The following COMMD1 variants were observed in gnomAD, a reference collection of about 807,000 sequenced individuals.
The protein encoded by COMMD1 is copper metabolism domain containing 1.
In COMMD1, 10 loss-of-function variants were observed where a neutral mutation model predicts 17.2. The observed-to-expected ratio is 0.58, with a 90% confidence interval of 0.36 to 0.99. The LOEUF is 0.99. COMMD1 is among the 50% of genes least tolerant of loss of function. The pLI, the probability that COMMD1 is intolerant of heterozygous loss-of-function variation, is 0.01. For synonymous variants in COMMD1, 97 were observed against 91.6 expected (o/e 1.06, Z -0.34); for missense variants, 270 against 231.8 (o/e 1.17, Z -1.07).
intron 2 of COMMD1, among the ~76,000 whole-genome samples, chr2:62,089,038 G>A (rs1671750373): frequency 6.6e-6 from 1 of 152,178 alleles, no homozygotes; most frequent in Non-Finnish European, 1.5e-5. Flanking sequence ...ATAAGGAAAT[G>A]TTCAGGTTAA....
chr2:62,130,176 A>C (rs998551809), intron 2 of COMMD1, among the ~76,000 whole-genome samples: 1 of 151,734 alleles, frequency 6.6e-6, no homozygotes, highest in African/African-American at 2.4e-5. Flanking sequence ...AAAACAAACA[A>C]AAAAACAAAC....
intron 2 of COMMD1, among the ~76,000 whole-genome samples, chr2:62,054,035 G>A (rs888740164): frequency 6.6e-5 from 10 of 152,082 alleles, no homozygotes; most frequent in Non-Finnish European, 1.0e-4. Context: ...TAAAAAGTGG[G>A]CAAAGGACAT....
At chr2:61,991,134 AAAT>A in intron 1 of COMMD1, among the ~76,000 whole-genome samples, 1 of 152,186 alleles carries the variant, frequency 6.6e-6, no homozygotes, top group Admixed American at 6.5e-5. Context: ...TTTTTCATTC[AAAT>A]TCTTTTTTTT....
intron 1 of COMMD1, among the ~76,000 whole-genome samples, chr2:61,932,107 A>G (rs1479187833): frequency 1.3e-5 from 2 of 152,122 alleles, no homozygotes; most frequent in African/African-American, 2.4e-5. Flanking sequence ...TGACACCCCT[A>G]CATTGGCCTC....
intron 2 of COMMD1, among the ~76,000 whole-genome samples, chr2:62,038,458 TTTC>T (rs1670100428): frequency 6.6e-6 from 1 of 152,206 alleles, no homozygotes; most frequent in Non-Finnish European, 1.5e-5. Context: ...AACGTATGGC[TTTC>T]TTTTTTCCAA....
chr2:61,888,666 C>G, upstream of COMMD1: 1 of 832,994 alleles, frequency 1.2e-6, no homozygotes, highest in Non-Finnish European at 1.8e-6. Context: ...GGGGGCCTTC[C>G]TTGCCGCGCG....
At chr2:61,956,526 C>T (rs1027765077) in intron 1 of COMMD1, among the ~76,000 whole-genome samples, 14 of 151,794 alleles carry the variant, frequency 9.2e-5, no homozygotes, top group African/African-American at 3.4e-4. Context: ...TTTCCTGCCT[C>T]AGCCTTGAGA....
At chr2:61,956,790 C>T (rs771094549) in intron 1 of COMMD1, among the ~76,000 whole-genome samples, 7 of 151,062 alleles carry the variant, frequency 4.6e-5, no homozygotes, top group Non-Finnish European at 8.8e-5. Flanking sequence ...CTCGCTCTGT[C>T]GCCAGGCTGG....
chr2:62,073,755 G>A (rs1455551178), intron 2 of COMMD1, among the ~76,000 whole-genome samples: 1 of 152,172 alleles, frequency 6.6e-6, no homozygotes, highest in Non-Finnish European at 1.5e-5. Flanking sequence ...CTGGAGTGCA[G>A]TGGTGCGATC....
At chr2:62,092,092 A>C (rs1299947124) in intron 2 of COMMD1, among the ~76,000 whole-genome samples, 1 of 152,158 alleles carries the variant, frequency 6.6e-6, no homozygotes, top group East Asian at 1.9e-4. Context: ...TTGAGGTCTG[A>C]AGAGAGAAGG....
At chr2:61,959,840 G>C (rs1050485382) in intron 1 of COMMD1, among the ~76,000 whole-genome samples, 2 of 152,206 alleles carry the variant, frequency 1.3e-5, no homozygotes, top group Non-Finnish European at 2.9e-5. Context: ...ACCAAACAAA[G>C]GAGCCAGTTA....
chr2:61,888,598 G>C, upstream of COMMD1: 1 of 1,446,678 alleles, frequency 6.9e-7, no homozygotes, highest in South Asian at 1.3e-5. Flanking sequence ...AGCCCTCACT[G>C]CCTTCACGAA....
At chr2:62,055,856 G>A (rs1276269704) in intron 2 of COMMD1, among the ~76,000 whole-genome samples, 1 of 152,188 alleles carries the variant, frequency 6.6e-6, no homozygotes, top group East Asian at 1.9e-4. Flanking sequence ...AATTGATAGA[G>A]AGCATTAATG....
At chr2:62,022,079 T>A (rs1256109736) in intron 2 of COMMD1, among the ~76,000 whole-genome samples, 1 of 152,198 alleles carries the variant, frequency 6.6e-6, no homozygotes, top group Non-Finnish European at 1.5e-5. Context: ...TATGTAGATC[T>A]TATATTTAGA....
In COMMD1 at chr2:61,912,880, A is replaced by T. The variant is rs145156693; in HGVS notation, c.180+7022A>T. On this transcript the variant is annotated intron_variant, in intron 1 of 2. Coordinates refer to ENST00000311832, the MANE Select transcript of COMMD1 (RefSeq NM_152516.4). ...ACCTTCAAAGCCAAAAATATTTACC[A>T]TCTGAACGTTTACAGAAAAAGTTTG... Among the ~76,000 whole-genome samples, 73 of 152,274 alleles carry T rather than the reference A, an allele frequency of 4.8e-4. 1 individual carries two copies. In the East Asian group the frequency reaches 0.014, roughly 28 times the overall value.
At chr2:62,094,124 T>G (rs1241484510) in intron 2 of COMMD1, among the ~76,000 whole-genome samples, 3 of 152,110 alleles carry the variant, frequency 2.0e-5, no homozygotes, top group Non-Finnish European at 4.4e-5. Flanking sequence ...AAGATATTAG[T>G]TAGTAGATTG....
intron 1 of COMMD1, among the ~76,000 whole-genome samples, chr2:61,914,921 C>T (rs943876744): frequency 1.4e-4 from 21 of 151,756 alleles, no homozygotes; most frequent in Non-Finnish European, 2.5e-4. Context: ...AATTCCTGGC[C>T]TCAAGTGATC....
At chr2:61,958,552 G>A (rs1671255512) in intron 1 of COMMD1, among the ~76,000 whole-genome samples, 1 of 151,960 alleles carries the variant, frequency 6.6e-6, no homozygotes, top group Non-Finnish European at 1.5e-5. Flanking sequence ...CAGATGTGAG[G>A]TACCTTGCCT....
intron 2 of COMMD1, among the ~76,000 whole-genome samples, chr2:62,103,465 T>TTGGCCCCTACAGTATG (rs1426323071): frequency 6.6e-6 from 1 of 152,254 alleles, no homozygotes; most frequent in South Asian, 2.1e-4. Flanking sequence ...CAGAGGGCCC[T>TTGGCCCCTACAGTATG]TGGCCCCTAC....
Sources: gnomAD v4.1 joint callset for allele counts (sites outside exome capture counted in the v4.1 genomes callset) on GRCh38, gnomAD v4.1.1 for gene constraint, MANE v1.5 for transcripts, NCBI Gene and HGNC (gene_info 2026-07-23, HGNC 2026-07-21) for gene names.